Variants in WDR41 observed in about 807,000 individuals in gnomAD.
WDR41 encodes WD repeat domain 41.
WDR41 carries 63 observed loss-of-function variants against 69.3 expected under a neutral mutation model. The observed-to-expected ratio is 0.91, with a 90% CI of 0.74 to 1.12. WDR41 has a LOEUF of 1.12. Among genes scored for constraint, WDR41 ranks in the 50% most tolerant of loss-of-function variants. The pLI is 0.00. For synonymous variants in WDR41, 185 were observed against 192.1 expected (o/e 0.96, Z 0.31); for missense variants, 543 against 534.5 (o/e 1.02, Z -0.16).
At position 77,582,872 on chromosome 5, in the gene WDR41, G is replaced by A. The variant is rs1475243352; in HGVS notation, c.42+37607C>T. 5.0e-6 allele frequency: 8 copies of A among 1,605,332 alleles called. No individual in the cohort carries two copies. In the Admixed American group the frequency reaches 5.0e-5, roughly 10 times the overall value. On this transcript the variant is annotated intron_variant, in intron 1 of 5. Transcript: ENST00000509971. ...GGTTATGGCAAAATCAATAAGAAGC[G>A]AATTGCTTTGACAGATAACGCTTTG...
intron 1 of WDR41, among the ~76,000 whole-genome samples, chr5:77,573,657 C>T (rs1048894633): frequency 2.0e-5 from 3 of 152,132 alleles, no homozygotes; most frequent in African/African-American, 7.2e-5. Flanking sequence ...AGCTTCAAAG[C>T]TCAGAAGTGC....
At chr5:77,582,616 T>C (rs1018643782) in intron 1 of WDR41, 2 of 1,601,184 alleles carry the variant, frequency 1.2e-6, no homozygotes, top group Non-Finnish European at 1.7e-6. Flanking sequence ...AGCTGGCAAC[T>C]TCTATGTACC....
chr5:77,452,626 C>T (rs1799671159), intron 6 of WDR41: 1 of 152,160 alleles, frequency 6.6e-6, no homozygotes, highest in African/African-American at 2.4e-5. Context: ...AATCTGGCCT[C>T]CAGTAATTTG....
At chr5:77,538,476 C>T (rs1035866736) in intron 1 of WDR41, among the ~76,000 whole-genome samples, 1 of 152,104 alleles carries the variant, frequency 6.6e-6, no homozygotes, top group African/African-American at 2.4e-5. Flanking sequence ...CTATAGTATT[C>T]CCCAGTGTCT....
At chr5:77,434,482 G>A (rs1180638849) in intron 12 of WDR41, among the ~76,000 whole-genome samples, 1 of 151,896 alleles carries the variant, frequency 6.6e-6, no homozygotes, top group Non-Finnish European at 1.5e-5. Flanking sequence ...CGCCAGTAGA[G>A]CAAGGATGAA....
intron 8 of WDR41, among the ~76,000 whole-genome samples, chr5:77,447,955 T>C (rs1274501985): frequency 2.6e-5 from 4 of 152,220 alleles, no homozygotes; most frequent in Non-Finnish European, 5.9e-5. Context: ...TAAACAACTT[T>C]TTTCTTTAGT....
At position 77,585,622 on chromosome 5, in the gene WDR41, A is replaced by G. The variant is rs113734149; in HGVS notation, c.42+34857T>C. 3.0e-3 allele frequency among the ~76,000 whole-genome samples: 461 copies of G among 152,324 alleles called. 6 individuals are homozygous for G. The highest frequency in any genetic ancestry group is 0.01 in the African/African-American group (434 of 41,570). ...GATAAAGAAACTGTGGTATACATAT[A>G]CAATGGAATACCACGCAGCCATAAA... On this transcript the variant is annotated intron_variant, in intron 1 of 5. Coordinates refer to the WDR41 transcript ENST00000509971.
intron 2 of WDR41, among the ~76,000 whole-genome samples, chr5:77,481,729 G>C (rs1340249170): frequency 5.0e-5 from 7 of 140,412 alleles, no homozygotes; most frequent in Non-Finnish European, 1.5e-5. Context: ...TGGTTGGAGT[G>C]AACCAAGGTC....
intron 8 of WDR41, among the ~76,000 whole-genome samples, chr5:77,445,174 C>CT (rs555845391): frequency 1.4e-3 from 220 of 152,284 alleles, no homozygotes; most frequent in Admixed American, 2.8e-3. Flanking sequence ...ACTAGAAAAT[C>CT]TAGAAGAAAT....
intron 1 of WDR41, chr5:77,582,610 G>A: frequency 1.9e-6 from 3 of 1,600,838 alleles, no homozygotes; most frequent in East Asian, 2.2e-5. Flanking sequence ...AAGAAAAGCT[G>A]GCAACTTCTA....
At chr5:77,571,908 G>A (rs1340825896) in intron 1 of WDR41, among the ~76,000 whole-genome samples, 2 of 152,128 alleles carry the variant, frequency 1.3e-5, no homozygotes, top group African/African-American at 4.8e-5. Context: ...TTTTTCCAAT[G>A]GAAGAAATTG....
chr5:77,573,112 T>A (rs1167054331), intron 1 of WDR41, among the ~76,000 whole-genome samples: 3 of 152,138 alleles, frequency 2.0e-5, no homozygotes, highest in Non-Finnish European at 4.4e-5. Flanking sequence ...GGTTCCTTCC[T>A]CTCCAGGACA....
upstream of WDR41, among the ~76,000 whole-genome samples, chr5:77,494,229 A>G (rs1801904425): frequency 6.6e-6 from 1 of 152,224 alleles, no homozygotes; most frequent in Non-Finnish European, 1.5e-5. Context: ...AGCTAAATAC[A>G]AAAGATGGCA....
chr5:77,579,124 A>C (rs1334386748), intron 1 of WDR41, among the ~76,000 whole-genome samples: 1 of 152,182 alleles, frequency 6.6e-6, no homozygotes, highest in Non-Finnish European at 1.5e-5. Context: ...AAAGGAATGA[A>C]GAAAAATGAG....
intron 2 of WDR41, among the ~76,000 whole-genome samples, chr5:77,471,452 C>A (rs1800604656): frequency 6.6e-6 from 1 of 152,014 alleles, no homozygotes; most frequent in Non-Finnish European, 1.5e-5. Context: ...GAAATAGAGA[C>A]ACAAAAAACC....
In WDR41 at chr5:77,600,532, A is replaced by G. The variant is rs774884665; in HGVS notation, c.42+19947T>C. ...TGTGGTGGTAGTTACATGGCTATGTACATTTGTCAAAACTCAGAGCTGTAT... is the reference window on the plus strand; with the variant it reads ...TGTGGTGGTAGTTACATGGCTATGTGCATTTGTCAAAACTCAGAGCTGTAT... On this transcript the variant is annotated intron_variant, in intron 1 of 5. Coordinates refer to the WDR41 transcript ENST00000509971. Among the ~76,000 whole-genome samples, 154 of 152,316 alleles carry G rather than the reference A, an allele frequency of 1.0e-3. 1 individual carries two copies. Among genetic ancestry groups the G allele is most frequent in the Non-Finnish European group, 2.0e-3 (136 of 68,024 alleles).
intron 8 of WDR41, among the ~76,000 whole-genome samples, chr5:77,448,224 T>C (rs1251539444): frequency 1.3e-5 from 2 of 152,144 alleles, no homozygotes; most frequent in African/African-American, 4.8e-5. Context: ...CCCTGGGAAC[T>C]TGAGACTTAA....
intron 6 of WDR41, 54 bp from the exon 7 acceptor site, chr5:77,451,407 AAAAC>A (rs1354960157): frequency 2.0e-6 from 3 of 1,519,340 alleles, no homozygotes; most frequent in Non-Finnish European, 2.7e-6. Flanking sequence ...GATTATATCA[AAAAC>A]AAAAACATTC....
chr5:77,500,018 T>C (rs1404050116), intron 1 of WDR41, among the ~76,000 whole-genome samples: 3 of 152,158 alleles, frequency 2.0e-5, no homozygotes, highest in Admixed American at 1.3e-4. Flanking sequence ...CATAGTGTCA[T>C]ATTCCAAAGG....
Sources: allele counts gnomAD v4.1 joint callset (sites outside exome capture counted in the v4.1 genomes callset), GRCh38; gene constraint gnomAD v4.1.1; transcripts MANE v1.5; gene names NCBI Gene and HGNC (gene_info 2026-07-23, HGNC 2026-07-21).